The following PROSER2 variants were observed in gnomAD, a reference collection of about 807,000 sequenced individuals.
PROSER2 encodes proline and serine-rich protein 2.
Under a neutral mutation model 14.6 loss-of-function variants are expected in PROSER2, and 18 were observed. That is an observed-to-expected ratio of 1.23 (90% CI 0.85 to 1.83). The LOEUF is 1.83. Among genes scored for constraint, PROSER2 ranks in the 40% most tolerant of loss-of-function variants. PROSER2 has a pLI of 0.00. For missense variants in PROSER2, 823 were observed against 629.8 expected (o/e 1.31, Z -3.28); for synonymous variants, 367 against 286.4 (o/e 1.28, Z -2.84).
At position 11,866,578 on chromosome 10, in the gene PROSER2, C is replaced by T; in HGVS notation, c.186C>T (p.Leu62=). The part of the protein sequence containing the change: ...KYLTHEEKDV[L]LFFEETIDSL... ...TCACCCATGAGGAAAAGGATGTGCTCCTGTTTTTTGAAGAGACGATTGACT... is the reference window on the plus strand; with the variant it reads ...TCACCCATGAGGAAAAGGATGTGCTTCTGTTTTTTGAAGAGACGATTGACT... The change falls in exon 3 of 4, where the codon CTC becomes CTT. Residue 62 remains leucine, a synonymous_variant. Coordinates refer to ENST00000277570, the MANE Select transcript of PROSER2 (RefSeq NM_153256.4). The surrounding 1 kb of genome is among the most constrained non-coding windows in gnomAD (Gnocchi z 6.0). The T allele has an allele frequency of 6.2e-7, 1 of 1,614,198 alleles. No individual in the cohort carries two copies. Among genetic ancestry groups the T allele is most frequent in the Non-Finnish European group, 8.5e-7 (1 of 1,180,038 alleles).
intron 2 of PROSER2, among the ~76,000 whole-genome samples, chr10:11,855,134 A>G (rs1834098241): frequency 1.4e-5 from 2 of 143,886 alleles, no homozygotes; most frequent in African/African-American, 5.1e-5. Flanking sequence ...GTTCTCATTT[A>G]TAGAGGTTTT....
chr10:11,854,650 T>C (rs1057495349), intron 2 of PROSER2, among the ~76,000 whole-genome samples: 10 of 151,106 alleles, frequency 6.6e-5, no homozygotes, highest in Non-Finnish European at 1.5e-4. Context: ...CTCTGCCTCC[T>C]GGTTTCAAGC....
intron 1 of PROSER2, among the ~76,000 whole-genome samples, chr10:11,833,987 T>A (rs1201481208): frequency 1.1e-4 from 2 of 18,506 alleles, no homozygotes; most frequent in African/African-American, 1.7e-4. Context: ...GCTCTTTCTT[T>A]TTTTTTTTTT....
chr10:11,870,230 C>A lies in PROSER2; in HGVS notation c.1132C>A (p.Arg378=). 3 of 1,489,592 alleles carry A rather than the reference C, an allele frequency of 2.0e-6. No individual in the cohort carries two copies. The highest frequency in any genetic ancestry group is 2.7e-6 in the Non-Finnish European group (3 of 1,127,380). 92.3% of individuals were successfully genotyped at this position (1,489,592 alleles called of 1,614,324 possible). Residue 378 remains arginine (R), a synonymous_variant, in exon 4 of 4, where the codon CGG becomes AGG. Coordinates refer to ENST00000277570, the MANE Select transcript of PROSER2 (RefSeq NM_153256.4). The part of the protein sequence containing the change: ...FRPGPALPST[R]ARQSFPGPRQ... ...CCCTGGCCCGGCCCTGCCCAGCACG[C>A]GGGCCCGTCAGAGCTTCCCCGGGCC...
Position 11,862,082 on chromosome 10 carries a change from T to A in PROSER2, c.139-4449T>A, listed in dbSNP as rs1409392404. On this transcript the variant is annotated intron_variant, in intron 2 of 3. Coordinates refer to ENST00000277570, the MANE Select transcript of PROSER2 (RefSeq NM_153256.4). This position sits in a 1 kb window ranked among gnomAD's most constrained non-coding sequence, Gnocchi z 4.2. ...GTCTGGGATCGGACCCAGGAATGTT[T>A]CTGACAAGTTCACAGATGCTGCTTC... Among the ~76,000 whole-genome samples the A allele has an allele frequency of 3.3e-5, 5 of 152,168 alleles. No individual in the cohort carries two copies. The highest frequency in any genetic ancestry group is 7.4e-5 in the Non-Finnish European group (5 of 68,016).
intron 1 of PROSER2, among the ~76,000 whole-genome samples, chr10:11,845,715 G>C (rs372836302): frequency 6.6e-6 from 1 of 152,108 alleles, no homozygotes; most frequent in African/African-American, 2.4e-5. Context: ...TGGGGTCCTC[G>C]GCGGGACCCA....
intron 2 of PROSER2, among the ~76,000 whole-genome samples, chr10:11,855,464 A>C (rs1448130007): frequency 7.4e-6 from 1 of 134,350 alleles, no homozygotes; most frequent in Non-Finnish European, 1.6e-5. Context: ...ACAGAGCAAG[A>C]CTCCATCTCA....
At position 11,836,492 on chromosome 10, in the gene PROSER2, T is replaced by C. The variant is rs1246881030; in HGVS notation, c.-82+13022T>C. Among the ~76,000 whole-genome samples the C allele has an allele frequency of 6.6e-6, 1 of 152,140 alleles. No individual in the cohort carries two copies. The highest frequency in any genetic ancestry group is 1.5e-5 in the Non-Finnish European group (1 of 68,018). ...GATTACAGGTGTGAGCCACCACGCC[T>C]GGCCAGGATGTCGCTTTAAAGACAA... On this transcript the variant is annotated intron_variant, in intron 1 of 3. Transcript: ENST00000277570. This position sits in a 1 kb window ranked among gnomAD's most constrained non-coding sequence, Gnocchi z 4.6.
At chr10:11,844,433 T>C (rs1467878030) in intron 1 of PROSER2, among the ~76,000 whole-genome samples, 1 of 152,234 alleles carries the variant, frequency 6.6e-6, no homozygotes, top group Non-Finnish European at 1.5e-5. Flanking sequence ...CGCCCAACAA[T>C]TGTTCTTGAC....
At chr10:11,834,617 C>G (rs1351058034) in intron 1 of PROSER2, among the ~76,000 whole-genome samples, 1 of 151,688 alleles carries the variant, frequency 6.6e-6, no homozygotes, top group Non-Finnish European at 1.5e-5. Flanking sequence ...TACCTGTAAT[C>G]CCAGCTACTC....
In PROSER2 at chr10:11,846,470, C is replaced by T. The variant is rs949703465; in HGVS notation, c.-81-5527C>T. On this transcript the variant is annotated intron_variant, in intron 1 of 3. Transcript: ENST00000277570. ...AGGTTTCTTCAGATCATTTTTCTTT[C>T]TGTCATTCTCTCTCTAGCTATATTT... is the stretch of plus-strand genomic sequence containing the variant. Among the ~76,000 whole-genome samples the T allele has an allele frequency of 2.0e-5, 3 of 152,178 alleles. No homozygotes were observed. The South Asian group carries it at 6.2e-4, about 32-fold the overall frequency.
rs1039431861 is a variant in PROSER2, at chr10:11,834,026, G to C, written c.-82+10556G>C. Among the ~76,000 whole-genome samples the C allele has an allele frequency of 5.3e-5, 6 of 112,516 alleles. No individual in the cohort carries two copies. In the East Asian group the frequency reaches 1.1e-3, roughly 21 times the overall value. 73.8% of individuals were successfully genotyped at this position (112,516 alleles called of 152,430 possible). ...TTTTTTTTTTTTGAGATAGAGTCTC[G>C]CTCTGTCGCCTAGGCTGGAGTGCAG... On this transcript the variant is annotated intron_variant, in intron 1 of 3. Coordinates refer to ENST00000277570, the MANE Select transcript of PROSER2 (RefSeq NM_153256.4).
At position 11,866,237 on chromosome 10, in the gene PROSER2, C is replaced by CT. The variant is rs1219617472; in HGVS notation, c.139-293dup. On this transcript the variant is annotated intron_variant, in intron 2 of 3. Coordinates refer to ENST00000277570, the MANE Select transcript of PROSER2 (RefSeq NM_153256.4). The surrounding 1 kb of genome is among the most constrained non-coding windows in gnomAD (Gnocchi z 6.0). ...TTGGATAGCCGTAGGCTGACTGCAG[C>CT]TCTCCAGTGTGCTCCCGAGAGGGTG... 2.0e-5 allele frequency among the ~76,000 whole-genome samples: 3 copies of CT among 152,242 alleles called. No individual in the cohort carries two copies. The highest frequency in any genetic ancestry group is 4.4e-5 in the Non-Finnish European group (3 of 68,044).
rs148538043 is a variant in PROSER2 at position 11,865,887 on chromosome 10, C to T, written c.139-644C>T. On this transcript the variant is annotated intron_variant, in intron 2 of 3. Coordinates refer to ENST00000277570, the MANE Select transcript of PROSER2 (RefSeq NM_153256.4). The surrounding 1 kb of genome is among the most constrained non-coding windows in gnomAD (Gnocchi z 4.2). ...GTCACCTTGCCCACACTTCCAGAGC[C>T]GCTCAGCACCTCCAGGGCCTGAGCT... Among the ~76,000 whole-genome samples the T allele has an allele frequency of 1.0e-3, 159 of 152,296 alleles. No homozygotes were observed. The highest frequency in any genetic ancestry group is 3.4e-3 in the Middle Eastern group (1 of 294).
In PROSER2 at chr10:11,866,274, T is replaced by C. The variant is rs1834344002; in HGVS notation, c.139-257T>C. ...CTCCCGAGAGGGTGCTTTTTGTCAT[T>C]GACTTGCTAGGAACCCCAAGGCGAG... On this transcript the variant is annotated intron_variant, in intron 2 of 3. Transcript: ENST00000277570. The surrounding 1 kb of genome is among the most constrained non-coding windows in gnomAD (Gnocchi z 6.0). Among the ~76,000 whole-genome samples the C allele has an allele frequency of 6.6e-6, 1 of 152,176 alleles. No individual in the cohort carries two copies. The highest frequency in any genetic ancestry group is 1.5e-5 in the Non-Finnish European group (1 of 68,028).
intron 1 of PROSER2, among the ~76,000 whole-genome samples, chr10:11,834,041 C>T (rs540275283): frequency 1.7e-5 from 2 of 119,264 alleles, no homozygotes; most frequent in Admixed American, 1.1e-4. Flanking sequence ...GTCGCCTAGG[C>T]TGGAGTGCAG....
intron 1 of PROSER2, among the ~76,000 whole-genome samples, chr10:11,832,755 C>T (rs11257350): frequency 0.2 from 30,196 of 152,022 alleles, 3,164 homozygotes; most frequent in East Asian, 0.28. Context: ...GTTAACATGT[C>T]TGAAACTACT....
intron 1 of PROSER2, among the ~76,000 whole-genome samples, chr10:11,844,563 A>T (rs1833897408): frequency 6.6e-6 from 1 of 152,036 alleles, no homozygotes; most frequent in Non-Finnish European, 1.5e-5. Flanking sequence ...TAGACTTTGC[A>T]TTTTTTTGCT....
intron 3 of PROSER2, among the ~76,000 whole-genome samples, chr10:11,868,255 T>G (rs1564315221): frequency 6.6e-6 from 1 of 152,216 alleles, no homozygotes; most frequent in African/African-American, 2.4e-5. Flanking sequence ...CCATCTGTTC[T>G]CTAACATATT....
Sources: allele counts gnomAD v4.1 joint callset (sites outside exome capture counted in the v4.1 genomes callset), GRCh38; gene constraint gnomAD v4.1.1; non-coding constraint Gnocchi (gnomAD v3.1); transcripts MANE v1.5; gene names NCBI Gene and HGNC (gene_info 2026-07-23, HGNC 2026-07-21).